The following METTL16 variants were observed in gnomAD, a reference collection of about 807,000 sequenced individuals.
METTL16 encodes the protein methyltransferase 16, RNA N6-adenosine.
METTL16 carries 19 observed loss-of-function variants against 57.9 expected under a neutral mutation model. That is an observed-to-expected ratio of 0.33 (90% CI 0.23 to 0.48). The LOEUF is 0.48. Among genes scored for constraint, METTL16 ranks in the 20% least tolerant of loss-of-function variants. The pLI, the probability that METTL16 is intolerant of heterozygous loss-of-function variation, is 0.99. For synonymous variants in METTL16, 246 were observed against 255.6 expected (o/e 0.96, Z 0.36); for missense variants, 434 against 691.5 (o/e 0.63, Z 4.18).
At chr17:2,509,814 G>A (rs151128666) in intron 1 of METTL16, among the ~76,000 whole-genome samples, 3,376 of 152,114 alleles carry the variant, frequency 0.022, 50 homozygotes, top group Non-Finnish European at 0.032. Flanking sequence ...TTGGGAGGCT[G>A]AGGCAGGAGA....
chr17:2,421,574 C>G (rs1018727835), intron 8 of METTL16, among the ~76,000 whole-genome samples: 1 of 152,182 alleles, frequency 6.6e-6, no homozygotes, highest in Non-Finnish European at 1.5e-5. Flanking sequence ...AAACGTCCTT[C>G]GTGTACCTGT....
At chr17:2,483,210 A>G (rs899203437) in intron 2 of METTL16, among the ~76,000 whole-genome samples, 2 of 151,912 alleles carry the variant, frequency 1.3e-5, no homozygotes, top group East Asian at 1.9e-4. Context: ...AGCTTAACCA[A>G]AAGTATCCCA....
intron 6 of METTL16, among the ~76,000 whole-genome samples, chr17:2,457,710 CAA>C (rs749572968): frequency 1.4e-4 from 15 of 105,180 alleles, no homozygotes; most frequent in South Asian, 3.1e-4. Flanking sequence ...GACTCTGTCT[CAA>C]AAAAAAAAAA....
chr17:2,426,030 C>CAAAAAAAAAAAA (rs71375599), intron 8 of METTL16, among the ~76,000 whole-genome samples: 1 of 93,158 alleles, frequency 1.1e-5, no homozygotes, highest in Non-Finnish European at 2.3e-5. Flanking sequence ...ATGGCTAAGG[C>CAAAAAAAAAAAA]AAAAAAAAAA....
Position 2,495,831 on chromosome 17 carries a change from G to A in METTL16, c.128+6373C>T, listed in dbSNP as rs370043730. ...CTAGAATTAAAAGTGAAGACCGGCC[G>A]GGCGCGGTGGCTCACGCCTGTAATC... On this transcript the variant is annotated intron_variant, in intron 2 of 9. Coordinates refer to ENST00000263092, the MANE Select transcript of METTL16 (RefSeq NM_024086.4). 5.0e-4 allele frequency among the ~76,000 whole-genome samples: 76 copies of A among 151,574 alleles called. 4 individuals carry two copies. Among genetic ancestry groups the A allele is most frequent in the Middle Eastern group, 6.8e-3 (2 of 294 alleles).
At chr17:2,480,013 C>A (rs1480689393) in intron 2 of METTL16, among the ~76,000 whole-genome samples, 2 of 151,474 alleles carry the variant, frequency 1.3e-5, no homozygotes, top group Admixed American at 6.6e-5. Flanking sequence ...ATGGAGAAAC[C>A]CCAACTCTAC....
At position 2,482,180 on chromosome 17, in the gene METTL16, A is replaced by G. The variant is rs145626824; in HGVS notation, c.129-4295T>C. On this transcript the variant is annotated intron_variant, in intron 2 of 9. Coordinates refer to ENST00000263092, the MANE Select transcript of METTL16 (RefSeq NM_024086.4). ...TTAATCAATTGAGATAAATTAAGGA[A>G]CTACAGTAAGTCTTCACTTAACATT... 1.9e-3 allele frequency among the ~76,000 whole-genome samples: 297 copies of G among 152,358 alleles called. 1 individual carries two copies. The highest frequency in any genetic ancestry group is 6.9e-3 in the African/African-American group (286 of 41,596).
intron 2 of METTL16, among the ~76,000 whole-genome samples, chr17:2,478,414 T>G (rs1208376983): frequency 6.6e-6 from 1 of 152,204 alleles, no homozygotes; most frequent in Non-Finnish European, 1.5e-5. Context: ...ATGTTTAATA[T>G]GAACACAGGA....
intron 8 of METTL16, among the ~76,000 whole-genome samples, chr17:2,434,965 C>T (rs2066899193): frequency 6.6e-6 from 1 of 152,190 alleles, no homozygotes; most frequent in Non-Finnish European, 1.5e-5. Context: ...TTCAAGCAAA[C>T]CAAAACAAAG....
chr17:2,444,859 A>AC (rs1023571320), intron 6 of METTL16, among the ~76,000 whole-genome samples: 11 of 151,222 alleles, frequency 7.3e-5, no homozygotes, highest in African/African-American at 2.7e-4. Flanking sequence ...GAGTACAGGC[A>AC]CCCCCTCCAC....
intron 8 of METTL16, among the ~76,000 whole-genome samples, chr17:2,429,713 G>A (rs895551244): frequency 1.3e-5 from 2 of 151,734 alleles, no homozygotes; most frequent in African/African-American, 2.4e-5. Flanking sequence ...GCCTCCATAC[G>A]ATAGTATATA....
At chr17:2,430,440 G>A (rs1173076710) in intron 8 of METTL16, among the ~76,000 whole-genome samples, 1 of 132,780 alleles carries the variant, frequency 7.5e-6, no homozygotes, top group East Asian at 2.1e-4. Context: ...TTTTGAGACG[G>A]AGTCTCGCTC....
intron 4 of METTL16, among the ~76,000 whole-genome samples, chr17:2,468,873 G>A (rs1397314710): frequency 1.3e-5 from 2 of 152,024 alleles, no homozygotes; most frequent in Non-Finnish European, 2.9e-5. Flanking sequence ...GGATGACAGA[G>A]TGAGACCCTG....
chr17:2,481,345 A>C (rs2067304944), intron 2 of METTL16, among the ~76,000 whole-genome samples: 1 of 152,174 alleles, frequency 6.6e-6, no homozygotes, highest in African/African-American at 2.4e-5. Flanking sequence ...TAACAGTAAA[A>C]TGAAGAAATC....
intron 2 of METTL16, among the ~76,000 whole-genome samples, chr17:2,500,346 G>A (rs557058652): frequency 1.3e-5 from 2 of 151,618 alleles, no homozygotes; most frequent in East Asian, 2.0e-4. Context: ...GCACAATCTC[G>A]GCTCACTGCA....
In METTL16 at chr17:2,447,188, C is replaced by A. The variant is rs549408381; in HGVS notation, c.729-5629G>T. On this transcript the variant is annotated intron_variant, in intron 6 of 9. Coordinates refer to ENST00000263092, the MANE Select transcript of METTL16 (RefSeq NM_024086.4). The stretch of plus-strand genomic sequence containing the variant: ...TCTAGGAAGTGAGGAGCGTCTCTGC[C>A]CGGCCGCCCATCGTCTGAGATGTGG... Among the ~76,000 whole-genome samples, 3 of 146,770 alleles carry A rather than the reference C, an allele frequency of 2.0e-5. No individual in the cohort carries two copies. In the East Asian group the frequency reaches 5.9e-4, roughly 29 times the overall value.
chr17:2,448,108 C>T (rs1392191042), intron 6 of METTL16, among the ~76,000 whole-genome samples: 17 of 81,978 alleles, frequency 2.1e-4, no homozygotes, highest in African/African-American at 2.9e-4. Context: ...CCGCCCTGTC[C>T]GGGAGGGAGG....
chr17:2,486,473 G>A (rs941988386), intron 2 of METTL16, among the ~76,000 whole-genome samples: 9 of 151,938 alleles, frequency 5.9e-5, no homozygotes, highest in Non-Finnish European at 1.2e-4. Flanking sequence ...GGGTTTCACC[G>A]TGTCAGGCAG....
intron 2 of METTL16, among the ~76,000 whole-genome samples, chr17:2,489,738 A>AAAAAAAAAAC (rs1428268830): frequency 4.7e-5 from 7 of 149,768 alleles, no homozygotes; most frequent in Admixed American, 6.7e-5. Flanking sequence ...GACTCAAAAA[A>AAAAAAAAAAC]AAAAAAAAAA....
Sources: gnomAD v4.1 joint callset for allele counts (sites outside exome capture counted in the v4.1 genomes callset) on GRCh38, gnomAD v4.1.1 for gene constraint, MANE v1.5 for transcripts, NCBI Gene and HGNC (gene_info 2026-07-23, HGNC 2026-07-21) for gene names.